Variants in ZNF143 observed in about 807,000 individuals in gnomAD.
ZNF143 encodes SPH-binding factor.
Under a neutral mutation model 74.1 loss-of-function variants are expected in ZNF143, and 49 were observed. The observed-to-expected ratio is 0.66, with a 90% CI of 0.53 to 0.84. The LOEUF (loss-of-function observed/expected upper bound fraction) is 0.84. Among genes scored for constraint, ZNF143 ranks in the 40% least tolerant of loss-of-function variants. ZNF143 has a pLI of 0.00. For synonymous variants in ZNF143, 304 were observed against 282.8 expected, an observed-to-expected ratio of 1.07 and a Z score of -0.75; for missense variants, 637 against 793.4, an observed-to-expected ratio of 0.80 and a Z score of 2.37.
chr11:9,471,773 A>G (rs1011709585), intron 2 of ZNF143, among the ~76,000 whole-genome samples: 1 of 151,998 alleles, frequency 6.6e-6, no homozygotes, highest in African/African-American at 2.4e-5. Context: ...GCTGGTCTCA[A>G]ACTCCTGACC....
chr11:9,497,757 C>T lies in ZNF143; in HGVS notation c.924C>T (p.Phe308=). Residue 308 remains phenylalanine, a synonymous_variant, in exon 10 of 16, where the codon TTC becomes TTT. Coordinates refer to ENST00000396602, the MANE Select transcript of ZNF143 (RefSeq NM_003442.6). ...RCSEDNCTKS[F]KTSGDLQKHI... ...CGGAAGATAATTGTACTAAATCTTTCAAAACTTCAGGAGATCTACAGAAAC... is the reference window on the plus strand; with the variant it reads ...CGGAAGATAATTGTACTAAATCTTTTAAAACTTCAGGAGATCTACAGAAAC... The T allele has an allele frequency of 1.3e-6, 2 of 1,581,258 alleles. No individual in the cohort carries two copies. Among genetic ancestry groups the T allele is most frequent in the Non-Finnish European group, 1.7e-6 (2 of 1,159,368 alleles).
intron 10 of ZNF143, among the ~76,000 whole-genome samples, chr11:9,500,375 C>T (rs140453959): frequency 1.2e-3 from 189 of 151,450 alleles, no homozygotes; most frequent in African/African-American, 3.9e-3. Context: ...GTATTGAACA[C>T]CTACTATTTC....
chr11:9,494,624 T>G (rs1257734282), intron 7 of ZNF143, 22 bp from the exon 8 acceptor site: 1 of 1,609,342 alleles, frequency 6.2e-7, no homozygotes, highest in Non-Finnish European at 8.5e-7. Context: ...GTAATTTAAG[T>G]AATACTATTT....
intron 7 of ZNF143, among the ~76,000 whole-genome samples, chr11:9,481,974 C>CT (rs71034714): frequency 0.99 from 121,354 of 122,380 alleles, 60,190 homozygotes; most frequent in Middle Eastern, 1. Flanking sequence ...ACCCATTACT[C>CT]TTTTTTTTTT....
intron 14 of ZNF143, among the ~76,000 whole-genome samples, chr11:9,523,396 G>A (rs898238991): frequency 2.0e-5 from 3 of 152,138 alleles, no homozygotes; most frequent in African/African-American, 7.2e-5. Context: ...TGCCAGTCTT[G>A]TTGGAATGTT....
chr11:9,486,591 T>C (rs1364042475), intron 7 of ZNF143, among the ~76,000 whole-genome samples: 1 of 141,004 alleles, frequency 7.1e-6, no homozygotes. Context: ...TAGAATGCCA[T>C]GTAAGATTTT....
intron 1 of ZNF143, among the ~76,000 whole-genome samples, chr11:9,466,963 G>A (rs1856267396): frequency 6.6e-6 from 1 of 151,416 alleles, no homozygotes; most frequent in Non-Finnish European, 1.5e-5. Context: ...GCGCGATCTC[G>A]GCTCACTGCA....
At chr11:9,470,197 TA>T (rs578086655) in intron 1 of ZNF143, among the ~76,000 whole-genome samples, 1 of 152,168 alleles carries the variant, frequency 6.6e-6, no homozygotes, top group Non-Finnish European at 1.5e-5. Flanking sequence ...TGGTGATTGG[TA>T]GAAGAGTTGC....
intron 14 of ZNF143, among the ~76,000 whole-genome samples, chr11:9,523,659 G>A (rs375084800): frequency 6.6e-6 from 1 of 151,928 alleles, no homozygotes; most frequent in Admixed American, 6.6e-5. Context: ...GCGTGAACCC[G>A]GGAGGCGGAG....
At chr11:9,496,147 C>A (rs1207358702) in intron 8 of ZNF143, among the ~76,000 whole-genome samples, 156 bp from the exon 9 acceptor site, 1 of 152,012 alleles carries the variant, frequency 6.6e-6, no homozygotes, top group African/African-American at 2.4e-5. Flanking sequence ...ATATTGAGAA[C>A]TATTGGGCTA....
chr11:9,486,342 T>A (rs868658564), intron 7 of ZNF143, among the ~76,000 whole-genome samples: 16 of 72,930 alleles, frequency 2.2e-4, no homozygotes, highest in Middle Eastern at 4.7e-3. Flanking sequence ...CTAATTATAT[T>A]ATATATATAT....
intron 7 of ZNF143, among the ~76,000 whole-genome samples, chr11:9,481,207 G>A (rs1375648583): frequency 2.0e-5 from 3 of 152,120 alleles, no homozygotes; most frequent in African/African-American, 7.2e-5. Context: ...GGGCAACAAA[G>A]TGAGACTCCA....
At chr11:9,516,609 A>G (rs942387510) in intron 14 of ZNF143, among the ~76,000 whole-genome samples, 21 of 152,236 alleles carry the variant, frequency 1.4e-4, no homozygotes, top group Middle Eastern at 3.4e-3. Flanking sequence ...CTCAGCCCAC[A>G]TATATATTAA....
chr11:9,477,171 C>CCT (rs1565029329), intron 5 of ZNF143, among the ~76,000 whole-genome samples: 26 of 132,750 alleles, frequency 2.0e-4, no homozygotes, highest in African/African-American at 7.4e-4. Context: ...TCCTTCCTTC[C>CCT]TCCTCTCCCT....
intron 8 of ZNF143, among the ~76,000 whole-genome samples, chr11:9,495,259 C>T (rs1188400089): frequency 6.6e-6 from 1 of 152,112 alleles, no homozygotes; most frequent in African/African-American, 2.4e-5. Flanking sequence ...GCCTGACCAA[C>T]ATGGTGAAAC....
rs545524443 is a variant in ZNF143, at chr11:9,515,701, C to T, written c.1525-500C>T. 6.0e-5 allele frequency among the ~76,000 whole-genome samples: 9 copies of T among 150,220 alleles called. No homozygotes were observed. The East Asian group carries it at 1.2e-3, about 20-fold the overall frequency. On this transcript the variant is annotated intron_variant, in intron 13 of 15. Coordinates refer to ENST00000396602, the MANE Select transcript of ZNF143 (RefSeq NM_003442.6). Reference sequence around the variant, plus strand: ...AAAAAGAAAAGAAATACTGTATTGCCGGGCACAGTGGCTCACACCTGTAAT... The same window carrying T: ...AAAAAGAAAAGAAATACTGTATTGCTGGGCACAGTGGCTCACACCTGTAAT...
chr11:9,505,946 T>C (rs960259202), intron 11 of ZNF143, among the ~76,000 whole-genome samples: 1 of 152,018 alleles, frequency 6.6e-6, no homozygotes, highest in African/African-American at 2.4e-5. Flanking sequence ...ATATATGTGC[T>C]TAAGTGCCTT....
chr11:9,496,385 G>A lies in ZNF143; in HGVS notation c.841+7G>A. 1.2e-6 allele frequency: 2 copies of A among 1,613,968 alleles called. No homozygotes were observed. The highest frequency in any genetic ancestry group is 1.7e-6 in the Non-Finnish European group (2 of 1,179,932). On this transcript the variant is annotated splice_region_variant and intron_variant, in intron 9 of 15. Transcript: ENST00000396602. ...GGGAAGGCATTTGCAACAGGTAAAAGTATGAATTTTGTTTTTTTCTTGGTT... is the reference window on the plus strand; with the variant it reads ...GGGAAGGCATTTGCAACAGGTAAAAATATGAATTTTGTTTTTTTCTTGGTT...
Position 9,461,050 on chromosome 11 carries a change from A to G in ZNF143, c.-34A>G. 1.0e-6 allele frequency: 1 copy of G among 985,802 alleles called. No homozygotes were observed. Among genetic ancestry groups the G allele is most frequent in the Non-Finnish European group, 1.2e-6 (1 of 830,018 alleles). The allele number at this position is 985,802 out of a possible 1,614,324, so 61.1% of individuals were successfully genotyped here. ...GTCCTGGTGCATGGTGGTCGGACGA[A>G]GGAATTGTTGGAAAATTTTCTCGGA... On this transcript the variant is annotated 5_prime_UTR_variant, in exon 1 of 16. Coordinates refer to ENST00000396602, the MANE Select transcript of ZNF143 (RefSeq NM_003442.6).
Sources: gnomAD v4.1 joint callset for allele counts (sites outside exome capture counted in the v4.1 genomes callset) on GRCh38, gnomAD v4.1.1 for gene constraint, MANE v1.5 for transcripts, NCBI Gene and HGNC (gene_info 2026-07-23, HGNC 2026-07-21) for gene names.